The following SFXN1 variants were observed in gnomAD, a reference collection of about 807,000 sequenced individuals.
SFXN1 encodes sideroflexin 1.
A neutral mutation model predicts 39.5 loss-of-function variants in SFXN1; 32 were observed. The observed-to-expected ratio is 0.81, with a 90% CI of 0.61 to 1.09. SFXN1 has a LOEUF of 1.09. Among genes scored for constraint, SFXN1 ranks in the 50% least tolerant of loss-of-function variants. SFXN1 has a pLI of 0.00. For missense variants in SFXN1, 402 were observed against 407.1 expected, an observed-to-expected ratio of 0.99 and a Z score of 0.11; for synonymous variants, 136 against 146.5, an observed-to-expected ratio of 0.93 and a Z score of 0.52.
rs1481533544 is a variant in SFXN1, at chr5:175,526,852, A to C, written c.*118A>C. The C allele has an allele frequency of 2.4e-6, 2 of 817,412 alleles. No homozygotes were observed. The highest frequency in any genetic ancestry group is 4.1e-6 in the Non-Finnish European group (2 of 493,164). 50.6% of individuals were successfully genotyped at this position (817,412 alleles called of 1,614,324 possible). A position where few individuals can be genotyped will look rare whatever the true frequency, so the allele number is the denominator to read the frequency against. On this transcript the variant is annotated 3_prime_UTR_variant, in exon 11 of 11. Transcript: ENST00000321442. ...AGTTACGGAAACCTTTTAAAGATCC[A>C]CATTAGCCTTTTAGAATAAAGCTGC... is the stretch of plus-strand genomic sequence containing the variant.
At chr5:175,495,586 G>A (rs987523946) in intron 2 of SFXN1, among the ~76,000 whole-genome samples, 1 of 151,838 alleles carries the variant, frequency 6.6e-6, no homozygotes, top group Non-Finnish European at 1.5e-5. Context: ...AAAATTAGCC[G>A]AGTATGGTGA....
intron 8 of SFXN1, among the ~76,000 whole-genome samples, chr5:175,518,774 CTAATG>C (rs1339565940): frequency 6.6e-6 from 1 of 152,102 alleles, no homozygotes; most frequent in African/African-American, 2.4e-5. Context: ...TTCATAGAAT[CTAATG>C]TAAAAGTCTA....
rs975672492 is a variant in SFXN1 at position 175,528,694 on chromosome 5, CAG to C, written c.*1963_*1964del. 3.3e-5 allele frequency: 5 copies of C among 152,282 alleles called. No homozygotes were observed. The highest frequency in any genetic ancestry group is 9.6e-5 in the African/African-American group (4 of 41,556). 9.4% of individuals were successfully genotyped at this position (152,282 alleles called of 1,614,324 possible). The stretch of plus-strand genomic sequence containing the variant: ...CACTCAGAGCCTTCCTTGATGCTGC[CAG>C]AGTCTTCTTATTTAGATTTTCTGTC... On this transcript the variant is annotated 3_prime_UTR_variant, in exon 11 of 11. Transcript: ENST00000321442.
rs181569159 is a variant in SFXN1, at chr5:175,485,394, T to A, written c.-9-6701T>A. On this transcript the variant is annotated intron_variant, in intron 1 of 10. Transcript: ENST00000321442. ...GGGCAGAGCCCCTTTCCCTGCCCTT[T>A]CCAGCTGCTAGGGGCTGCAGCTCAC... Among the ~76,000 whole-genome samples, 436 of 152,350 alleles carry A rather than the reference T, an allele frequency of 2.9e-3. 15 individuals are homozygous for A. Among genetic ancestry groups the A allele is most frequent in the Admixed American group, 0.026 (400 of 15,302 alleles).
intron 2 of SFXN1, among the ~76,000 whole-genome samples, chr5:175,503,275 GA>G (rs1437120271): frequency 6.6e-6 from 1 of 151,916 alleles, no homozygotes; most frequent in Non-Finnish European, 1.5e-5. Flanking sequence ...CAAGATCATA[GA>G]AAAAAAGGAA....
intron 8 of SFXN1, 156 bp from the exon 9 acceptor site, chr5:175,521,763 G>A (rs1249353894): frequency 1.8e-6 from 1 of 567,096 alleles, no homozygotes; most frequent in Non-Finnish European, 3.2e-6. Context: ...AGGAAGTTAG[G>A]CTAACACCCT....
chr5:175,490,101 C>G (rs949885423), intron 1 of SFXN1, among the ~76,000 whole-genome samples: 1 of 152,190 alleles, frequency 6.6e-6, no homozygotes, highest in Non-Finnish European at 1.5e-5. Flanking sequence ...ATCTGAAACT[C>G]TGCACCTGGG....
chr5:175,506,079 A>G (rs1324555834), intron 2 of SFXN1, among the ~76,000 whole-genome samples: 1 of 152,186 alleles, frequency 6.6e-6, no homozygotes, highest in Non-Finnish European at 1.5e-5. Flanking sequence ...CGGCCTCCCA[A>G]AGTGCTGGGA....
rs188309497 is a variant in SFXN1, at chr5:175,506,953, C to T, written c.165-2079C>T. On this transcript the variant is annotated intron_variant, in intron 2 of 10. Transcript: ENST00000321442. The stretch of plus-strand genomic sequence containing the variant: ...TGCTGGGATTACAGGCGTGAGCCAC[C>T]ATGCCCAGCCTATTAATTTCTTAAG... 6.7e-4 allele frequency among the ~76,000 whole-genome samples: 102 copies of T among 152,292 alleles called. No homozygotes were observed. In the East Asian group the frequency reaches 0.016, roughly 24 times the overall value.
At chr5:175,512,447 A>G (rs546846968) in intron 6 of SFXN1, among the ~76,000 whole-genome samples, 1 of 152,326 alleles carries the variant, frequency 6.6e-6, no homozygotes, top group Admixed American at 6.5e-5. Context: ...ATGCTGGAAT[A>G]GTCTTTCTAT....
intron 10 of SFXN1, among the ~76,000 whole-genome samples, chr5:175,525,363 G>C (rs903294274): frequency 2.0e-5 from 3 of 152,134 alleles, no homozygotes; most frequent in African/African-American, 7.2e-5. Context: ...GGGTTAAAAT[G>C]CATAACGTCT....
intron 1 of SFXN1, among the ~76,000 whole-genome samples, chr5:175,481,118 T>TA (rs2113247541): frequency 6.6e-6 from 1 of 152,276 alleles, no homozygotes; most frequent in South Asian, 2.1e-4. Context: ...TTCATCCAAA[T>TA]ATGTCTAAAA....
rs1342118591 is a variant in SFXN1 at position 175,512,197 on chromosome 5, G to A, written c.596+1G>A. 5.0e-6 allele frequency: 8 copies of A among 1,613,742 alleles called. No homozygotes were observed. Among genetic ancestry groups the A allele is most frequent in the Non-Finnish European group, 6.8e-6 (8 of 1,179,800 alleles). ...TTAATATTCCATTAATGAGGCAAAG[G>A]TAAGACGAATATGCACTCTTAGTAG... On this transcript the variant is annotated splice_donor_variant, in intron 6 of 10. Coordinates refer to ENST00000321442, the MANE Select transcript of SFXN1 (RefSeq NM_022754.7). LOFTEE classifies it high-confidence loss of function.
intron 1 of SFXN1, among the ~76,000 whole-genome samples, chr5:175,479,223 C>G (rs1379901123): frequency 1.3e-5 from 2 of 152,238 alleles, no homozygotes; most frequent in Non-Finnish European, 2.9e-5. Flanking sequence ...TGAACTTTCA[C>G]GTCTGTCACA....
At position 175,527,750 on chromosome 5, in the gene SFXN1, A is replaced by G. The variant is rs946114437; in HGVS notation, c.*1016A>G. The G allele has an allele frequency of 2.0e-5, 3 of 152,202 alleles. No homozygotes were observed. In the East Asian group the frequency reaches 5.8e-4, roughly 29 times the overall value. 9.4% of individuals were successfully genotyped at this position (152,202 alleles called of 1,614,324 possible). A position where few individuals can be genotyped will look rare whatever the true frequency, so the allele number is the denominator to read the frequency against. ...TTGCATTCCACTTCATTTGAAAATA[A>G]TGAAACCATGTACCACTGTTTACAT... On this transcript the variant is annotated 3_prime_UTR_variant, in exon 11 of 11. Transcript: ENST00000321442.
chr5:175,501,658 G>T (rs1463372064), intron 2 of SFXN1, among the ~76,000 whole-genome samples: 1 of 151,974 alleles, frequency 6.6e-6, no homozygotes, highest in East Asian at 1.9e-4. Flanking sequence ...TTTTTAAATG[G>T]ACAAAAGATT....
At chr5:175,491,399 G>C (rs893002057) in intron 1 of SFXN1, 3 of 151,832 alleles carry the variant, frequency 2.0e-5, no homozygotes, top group African/African-American at 7.3e-5. Context: ...GCTTTAGTAG[G>C]CGTTTGACGT....
At chr5:175,485,546 A>G (rs1187750542) in intron 1 of SFXN1, among the ~76,000 whole-genome samples, 2 of 152,230 alleles carry the variant, frequency 1.3e-5, no homozygotes, top group Admixed American at 1.3e-4. Context: ...TTCCAGGATC[A>G]TGCCTGCATC....
intron 2 of SFXN1, among the ~76,000 whole-genome samples, chr5:175,506,459 T>C (rs116115088): frequency 0.025 from 3,818 of 152,308 alleles, 133 homozygotes; most frequent in African/African-American, 0.084. Flanking sequence ...GTACATAGCT[T>C]TTGTTCCAGC....
Sources: allele counts gnomAD v4.1 joint callset (sites outside exome capture counted in the v4.1 genomes callset), GRCh38; gene constraint gnomAD v4.1.1; transcripts MANE v1.5; gene names NCBI Gene and HGNC (gene_info 2026-07-23, HGNC 2026-07-21).